The following MCC variants were observed in gnomAD, a reference collection of about 807,000 sequenced individuals.
The protein encoded by MCC is MCC regulator of Wnt signaling pathway.
In MCC, 90 loss-of-function variants were observed where a neutral mutation model predicts 116.2. The ratio of observed to expected loss-of-function variants is 0.77; its 90% CI spans 0.65 to 0.92. MCC has a LOEUF of 0.92. Ranked by LOEUF, MCC falls within the 40% of genes least tolerant of loss-of-function variation. The pLI is 0.00. For synonymous variants in MCC, 578 were observed against 510.5 expected (o/e 1.13, Z -1.78); for missense variants, 1,516 against 1,312.2 (o/e 1.16, Z -2.40).
At chr5:113,429,668 A>T (rs906700989) in intron 1 of MCC, among the ~76,000 whole-genome samples, 2 of 152,062 alleles carry the variant, frequency 1.3e-5, no homozygotes, top group Non-Finnish European at 2.9e-5. Context: ...ACATATTTTC[A>T]GGCCCTGGCT....
chr5:113,265,424 A>T (rs1195740247), intron 3 of MCC, among the ~76,000 whole-genome samples: 2 of 152,186 alleles, frequency 1.3e-5, no homozygotes, highest in Admixed American at 6.5e-5. Context: ...AGGGTAGAGC[A>T]GCTTTCTCTA....
chr5:113,086,622 C>T (rs1195405431), intron 8 of MCC, among the ~76,000 whole-genome samples: 1 of 152,186 alleles, frequency 6.6e-6, no homozygotes, highest in Admixed American at 6.5e-5. Flanking sequence ...TCTGTGACTT[C>T]CAAAGAGAGA....
intron 11 of MCC, among the ~76,000 whole-genome samples, chr5:113,080,566 C>T (rs886793571): frequency 9.2e-5 from 14 of 152,144 alleles, no homozygotes; most frequent in Admixed American, 7.2e-4. Flanking sequence ...GAAAACCAAA[C>T]ACCACATGTT....
chr5:113,054,990 C>T (rs1027147998), intron 14 of MCC, among the ~76,000 whole-genome samples: 1 of 152,242 alleles, frequency 6.6e-6, no homozygotes, highest in African/African-American at 2.4e-5. Flanking sequence ...AGCAGTTTCT[C>T]TGCACTTGCA....
chr5:113,296,601 G>A (rs1766718560), intron 3 of MCC, among the ~76,000 whole-genome samples: 1 of 152,128 alleles, frequency 6.6e-6, no homozygotes, highest in Non-Finnish European at 1.5e-5. Flanking sequence ...GGGGATCACA[G>A]GCATTCCATT....
At chr5:113,405,157 C>T (rs1254936894) in intron 1 of MCC, among the ~76,000 whole-genome samples, 2 of 152,226 alleles carry the variant, frequency 1.3e-5, no homozygotes, top group Non-Finnish European at 2.9e-5. Context: ...AGGAACTTAG[C>T]TTTGGCATCC....
At chr5:113,254,657 T>C (rs1420532486) in intron 3 of MCC, among the ~76,000 whole-genome samples, 2 of 152,196 alleles carry the variant, frequency 1.3e-5, no homozygotes, top group African/African-American at 4.8e-5. Flanking sequence ...AGAACACCTC[T>C]GTTCAAGTGG....
chr5:113,272,304 G>A (rs1765645112), intron 3 of MCC, among the ~76,000 whole-genome samples: 1 of 152,088 alleles, frequency 6.6e-6, no homozygotes, highest in South Asian at 2.1e-4. Flanking sequence ...CTAGTGGAAT[G>A]GCCGTATTTG....
chr5:113,200,739 G>T (rs924981363), intron 3 of MCC, among the ~76,000 whole-genome samples: 5 of 152,152 alleles, frequency 3.3e-5, no homozygotes, highest in African/African-American at 1.2e-4. Context: ...GAAATAAAGA[G>T]AAATTTCAAA....
intron 1 of MCC, among the ~76,000 whole-genome samples, chr5:113,437,689 A>G (rs191064882): frequency 4.1e-4 from 63 of 152,274 alleles, no homozygotes; most frequent in African/African-American, 1.5e-3. Context: ...TATTTCTAAA[A>G]TCTACTCGGC....
At chr5:113,132,091 T>A (rs935005453) in intron 5 of MCC, among the ~76,000 whole-genome samples, 1 of 152,022 alleles carries the variant, frequency 6.6e-6, no homozygotes, top group Non-Finnish European at 1.5e-5. Flanking sequence ...AGCGTTTTTT[T>A]AAATAACGAT....
chr5:113,191,435 C>A (rs1302068718), intron 3 of MCC, among the ~76,000 whole-genome samples: 3 of 152,190 alleles, frequency 2.0e-5, no homozygotes, highest in African/African-American at 4.8e-5. Flanking sequence ...CCCTGGAGGC[C>A]CATCCTAGGC....
At chr5:113,306,167 TTTG>T (rs1462639973) in intron 3 of MCC, among the ~76,000 whole-genome samples, 8 of 152,374 alleles carry the variant, frequency 5.3e-5, no homozygotes, top group Non-Finnish European at 1.0e-4. Flanking sequence ...GATGAATATT[TTTG>T]TTGTTTCCAT....
intron 8 of MCC, among the ~76,000 whole-genome samples, chr5:113,092,152 G>C (rs1054327124): frequency 4.6e-5 from 7 of 152,138 alleles, no homozygotes; most frequent in Admixed American, 4.6e-4. Flanking sequence ...TAAACCCCGA[G>C]AAATGTAAAT....
chr5:113,122,978 G>T, intron 5 of MCC, 152 bp from the exon 6 acceptor site: 2 of 769,532 alleles, frequency 2.6e-6, no homozygotes, highest in Admixed American at 2.7e-5. Flanking sequence ...AGGCGAAATA[G>T]ATAGTCACAT....
rs1756278760 is a variant in MCC at position 113,099,760 on chromosome 5, T to C, written c.1398+1979A>G. 2.0e-5 allele frequency among the ~76,000 whole-genome samples: 3 copies of C among 152,236 alleles called. No individual in the cohort carries two copies. In the South Asian group the frequency reaches 6.2e-4, roughly 32 times the overall value. On this transcript the variant is annotated intron_variant, in intron 8 of 18. Coordinates refer to ENST00000408903, the MANE Select transcript of MCC (RefSeq NM_001085377.2). ...TGACCTCCAGAGTTGGAGAAAACAC[T>C]GGAAAGTGGGGAAGGGGACTTTTTA...
chr5:113,253,480 C>A lies in MCC; in HGVS notation c.627+87039G>T, dbSNP rs138533665. 5.9e-5 allele frequency among the ~76,000 whole-genome samples: 9 copies of A among 152,278 alleles called. No homozygotes were observed. In the East Asian group the frequency reaches 1.7e-3, roughly 29 times the overall value. Reference sequence around the variant, plus strand: ...CCATCCTGCTTGCTTCACCTTGACACACCCTAAAGTGAAACCTGCTCTTTG... The same window carrying A: ...CCATCCTGCTTGCTTCACCTTGACAAACCCTAAAGTGAAACCTGCTCTTTG... On this transcript the variant is annotated intron_variant, in intron 3 of 18. Transcript: ENST00000408903.
chr5:113,433,668 C>A, intron 1 of MCC: 2 of 1,534,012 alleles, frequency 1.3e-6, no homozygotes, highest in Non-Finnish European at 1.8e-6. Flanking sequence ...TCTGGCTCCA[C>A]CCTTGACTTC....
chr5:113,062,910 G>A (rs546126991), intron 14 of MCC, among the ~76,000 whole-genome samples: 1 of 152,192 alleles, frequency 6.6e-6, no homozygotes, highest in Non-Finnish European at 1.5e-5. Context: ...GAAAGCATCA[G>A]TATTTCTCCT....
Sources: gnomAD v4.1 joint callset for allele counts (sites outside exome capture counted in the v4.1 genomes callset) on GRCh38, gnomAD v4.1.1 for gene constraint, MANE v1.5 for transcripts, NCBI Gene and HGNC (gene_info 2026-07-23, HGNC 2026-07-21) for gene names.